Variants in ROCK2 observed in about 807,000 individuals in gnomAD.
ROCK2 encodes the protein Rho associated coiled-coil containing protein kinase 2, also known as rho-associated protein kinase 2.
ROCK2 carries 61 observed loss-of-function variants against 195.1 expected under a neutral mutation model. The ratio of observed to expected loss-of-function variants is 0.31; its 90% CI spans 0.25 to 0.39. ROCK2 has a LOEUF of 0.39. Among genes scored for constraint, ROCK2 ranks in the 10% least tolerant of loss-of-function variants. The pLI is 1.00. For missense variants in ROCK2, 1,109 were observed against 1,637.4 expected, an observed-to-expected ratio of 0.68 and a Z score of 5.57; for synonymous variants, 504 against 545.5, an observed-to-expected ratio of 0.92 and a Z score of 1.06.
At chr2:11,335,105 TGATACAC>T (rs1668885161) in intron 1 of ROCK2, among the ~76,000 whole-genome samples, 2 of 114,706 alleles carry the variant, frequency 1.7e-5, no homozygotes, top group African/African-American at 7.0e-5. Context: ...TCCCTTTGAC[TGATACAC>T]ACACACACAC....
rs752126917 is a variant in ROCK2 at position 11,207,568 on chromosome 2, G to A, written c.2549+158C>T. Reference sequence around the variant, plus strand: ...CTGTTGGGGAAACGAATATAATCTCGAAGGACAACAGTGACACTCAACACA... The same window carrying A: ...CTGTTGGGGAAACGAATATAATCTCAAAGGACAACAGTGACACTCAACACA... On this transcript the variant is annotated intron_variant, in intron 20 of 32. Transcript: ENST00000315872. Among the ~76,000 whole-genome samples, 6 of 152,134 alleles carry A rather than the reference G, an allele frequency of 3.9e-5. No homozygotes were observed. In the East Asian group the frequency reaches 7.7e-4, roughly 20 times the overall value.
intron 4 of ROCK2, among the ~76,000 whole-genome samples, chr2:11,242,899 C>T (rs1367705480): frequency 6.6e-6 from 1 of 152,106 alleles, no homozygotes; most frequent in East Asian, 1.9e-4. Flanking sequence ...AAGACCTGTC[C>T]TCAGGGAGCC....
intron 4 of ROCK2, among the ~76,000 whole-genome samples, chr2:11,237,834 T>C (rs1181155648): frequency 2.6e-5 from 4 of 152,208 alleles, no homozygotes; most frequent in African/African-American, 7.2e-5. Context: ...TCCCAGCATT[T>C]TGGGAGGCCG....
intron 5 of ROCK2, chr2:11,234,671 A>G (rs888423118): frequency 2.0e-5 from 3 of 152,046 alleles, no homozygotes; most frequent in African/African-American, 7.3e-5. Flanking sequence ...AATGGCCCAT[A>G]AAGTATAGCA....
At chr2:11,277,628 A>G (rs1572350364) in intron 3 of ROCK2, among the ~76,000 whole-genome samples, 2 of 152,178 alleles carry the variant, frequency 1.3e-5, no homozygotes, top group Non-Finnish European at 2.9e-5. Flanking sequence ...ATAGTCTCCA[A>G]TCTCATCTAG....
At chr2:11,200,882 C>T (rs2148043524) in intron 23 of ROCK2, 75 bp downstream of exon 23, 3 of 1,271,138 alleles carry the variant, frequency 2.4e-6, no homozygotes, top group Middle Eastern at 2.0e-4. Context: ...ATCTGTGATA[C>T]TTAGTATGTC....
chr2:11,332,102 T>C (rs1459273018), intron 1 of ROCK2, among the ~76,000 whole-genome samples: 2 of 151,968 alleles, frequency 1.3e-5, no homozygotes, highest in African/African-American at 4.8e-5. Flanking sequence ...ATGATCACAC[T>C]GCGCTCCAGC....
At chr2:11,326,022 T>G (rs1029605677) in intron 1 of ROCK2, among the ~76,000 whole-genome samples, 2 of 152,082 alleles carry the variant, frequency 1.3e-5, no homozygotes, top group African/African-American at 4.8e-5. Flanking sequence ...ATGAAGCAGA[T>G]TTGGAGCAAT....
intron 1 of ROCK2, among the ~76,000 whole-genome samples, chr2:11,317,610 ATATTTTTTT>A (rs1483332600): frequency 5.9e-5 from 1 of 16,814 alleles, no homozygotes; most frequent in African/African-American, 2.0e-4. Context: ...ATATATATAT[ATATTTTTTT>A]TTTTTTTTAA....
intron 3 of ROCK2, among the ~76,000 whole-genome samples, chr2:11,278,003 G>A (rs1256150370): frequency 6.6e-6 from 1 of 152,104 alleles, no homozygotes; most frequent in African/African-American, 2.4e-5. Flanking sequence ...GTTCAACATG[G>A]TGTTTTGAAG....
intron 1 of ROCK2, among the ~76,000 whole-genome samples, chr2:11,297,955 A>G (rs563426270): frequency 6.6e-6 from 1 of 152,208 alleles, no homozygotes; most frequent in Non-Finnish European, 1.5e-5. Context: ...TAAAAATTTC[A>G]TGAAAAACAT....
rs1231465700 is a variant in ROCK2 at position 11,184,717 on chromosome 2, C to CATCA, written c.4164-1281_4164-1278dup. 6.1e-6 allele frequency: 6 copies of CATCA among 983,058 alleles called. No homozygotes were observed. The East Asian group carries it at 6.8e-4, about 112-fold the overall frequency. The allele number at this position is 983,058 out of a possible 1,614,324, so 60.9% of individuals were successfully genotyped here. On this transcript the variant is annotated intron_variant, in intron 32 of 32. Transcript: ENST00000315872. The stretch of plus-strand genomic sequence containing the variant: ...ACATCGTCATCATCATCACCACCAC[C>CATCA]ATCAACATCATCAAATGACCAATCC...
chr2:11,268,845 C>A (rs949374032), intron 3 of ROCK2, among the ~76,000 whole-genome samples: 1 of 152,096 alleles, frequency 6.6e-6, no homozygotes, highest in Non-Finnish European at 1.5e-5. Context: ...AGTTTACACC[C>A]ATTCAAATAT....
rs988300818 is a variant in ROCK2, at chr2:11,343,891, C to A, written c.141+105G>T. On this transcript the variant is annotated intron_variant, in intron 1 of 32. Coordinates refer to ENST00000315872, the MANE Select transcript of ROCK2 (RefSeq NM_004850.5). The stretch of plus-strand genomic sequence containing the variant: ...CTGCCGGAAGCAGGGCGGGGTGGGG[C>A]AAGACCTCCCCCTCCCCACGGGCGG... The A allele has an allele frequency of 1.2e-5, 17 of 1,384,808 alleles. No individual in the cohort carries two copies. The South Asian group carries it at 2.2e-4, about 18-fold the overall frequency. 85.8% of individuals were successfully genotyped at this position (1,384,808 alleles called of 1,614,324 possible). A position where few individuals can be genotyped will look rare whatever the true frequency, so the allele number is the denominator to read the frequency against.
At chr2:11,285,264 A>T (rs79187600) in intron 3 of ROCK2, among the ~76,000 whole-genome samples, 1 of 145,940 alleles carries the variant, frequency 6.9e-6, no homozygotes, top group South Asian at 2.3e-4. Context: ...CTCTGTCTAA[A>T]AAAAAAAAAA....
chr2:11,193,223 A>G (rs914052723), intron 30 of ROCK2, among the ~76,000 whole-genome samples: 3 of 152,188 alleles, frequency 2.0e-5, no homozygotes, highest in Non-Finnish European at 4.4e-5. Flanking sequence ...ACTCCAAATA[A>G]ACATGACAAG....
intron 3 of ROCK2, among the ~76,000 whole-genome samples, chr2:11,265,332 C>G (rs1026325863): frequency 1.3e-5 from 2 of 152,122 alleles, no homozygotes; most frequent in Non-Finnish European, 2.9e-5. Context: ...TCTCTCAATT[C>G]TAACACTACA....
chr2:11,264,781 A>C lies in ROCK2; in HGVS notation c.325-14983T>G, dbSNP rs373473778. Among the ~76,000 whole-genome samples the C allele has an allele frequency of 7.2e-5, 11 of 152,338 alleles. No homozygotes were observed. In the South Asian group the frequency reaches 2.1e-3, roughly 29 times the overall value. On this transcript the variant is annotated intron_variant, in intron 3 of 32. Transcript: ENST00000315872. The stretch of plus-strand genomic sequence containing the variant: ...TCAGGTAGAGAATGAACCATGAAGG[A>C]AACTTAGAAGGAAGAGCCTGTAAAG...
chr2:11,307,276 C>T (rs1279832188), intron 1 of ROCK2, among the ~76,000 whole-genome samples: 3 of 152,180 alleles, frequency 2.0e-5, no homozygotes, highest in Non-Finnish European at 4.4e-5. Context: ...ACCTTCCTTT[C>T]TTGCATAATT....
Sources: gnomAD v4.1 joint callset for allele counts (sites outside exome capture counted in the v4.1 genomes callset) on GRCh38, gnomAD v4.1.1 for gene constraint, MANE v1.5 for transcripts, NCBI Gene and HGNC (gene_info 2026-07-23, HGNC 2026-07-21) for gene names.